The following CFDP1 variants were observed in gnomAD, a reference collection of about 807,000 sequenced individuals.
The protein encoded by CFDP1 is chromatin remodeling protein CFDP1, also known as heterochromatin-stabilizing protein CFDP1.
A neutral mutation model predicts 40.1 loss-of-function variants in CFDP1; 31 were observed. The ratio of observed to expected loss-of-function variants is 0.77; its 90% confidence interval spans 0.58 to 1.04. The LOEUF (loss-of-function observed/expected upper bound fraction) is 1.04. Ranked by LOEUF, CFDP1 falls within the 50% of genes least tolerant of loss-of-function variation. CFDP1 has a pLI of 0.00. For synonymous variants in CFDP1, 167 were observed against 120.0 expected (o/e 1.39, Z -2.56); for missense variants, 423 against 343.4 (o/e 1.23, Z -1.83).
At chr16:75,424,141 CAG>C (rs2079308609) in intron 1 of CFDP1, among the ~76,000 whole-genome samples, 1 of 152,102 alleles carries the variant, frequency 6.6e-6, no homozygotes, top group East Asian at 1.9e-4. Flanking sequence ...AAATTAGGAA[CAG>C]AGGGGAACTT....
intron 5 of CFDP1, among the ~76,000 whole-genome samples, chr16:75,355,942 T>C (rs767909654): frequency 2.6e-5 from 4 of 152,254 alleles, no homozygotes; most frequent in Non-Finnish European, 5.9e-5. Context: ...CAGGCTATAC[T>C]TCTCATAGTA....
At chr16:75,387,388 G>A (rs1012610241) in intron 5 of CFDP1, among the ~76,000 whole-genome samples, 3 of 152,076 alleles carry the variant, frequency 2.0e-5, no homozygotes, top group Non-Finnish European at 4.4e-5. Context: ...TGATCCACCC[G>A]CCTCGGCCTC....
At chr16:75,389,255 G>A (rs896586807) in intron 5 of CFDP1, among the ~76,000 whole-genome samples, 7 of 152,220 alleles carry the variant, frequency 4.6e-5, no homozygotes, top group African/African-American at 1.2e-4. Flanking sequence ...GGACTGGGGA[G>A]TGAGGGAAGA....
intron 5 of CFDP1, among the ~76,000 whole-genome samples, chr16:75,311,318 T>A (rs899632336): frequency 2.0e-5 from 3 of 152,112 alleles, no homozygotes; most frequent in Non-Finnish European, 4.4e-5. Context: ...TTAAAAAACG[T>A]CTTTGTACAG....
At chr16:75,312,885 C>A (rs1314392477) in intron 5 of CFDP1, among the ~76,000 whole-genome samples, 1 of 152,170 alleles carries the variant, frequency 6.6e-6, no homozygotes, top group Non-Finnish European at 1.5e-5. Context: ...GCACAGACTC[C>A]TGGTCTCTAT....
Position 75,385,082 on chromosome 16 carries a change from A to ATAAGGAATAT in CFDP1, c.650+10007_650+10008insATATTCCTTA, listed in dbSNP as rs1394021114. On this transcript the variant is annotated intron_variant, in intron 5 of 6. Transcript: ENST00000283882. ...GCAGGTACAGAGTAAATAGATTAGA[A>ATAAGGAATAT]ATTGAATAAGGAAAATAATTTTTAA... is the stretch of plus-strand genomic sequence containing the variant. Among the ~76,000 whole-genome samples, 264 of 151,920 alleles carry ATAAGGAATAT rather than the reference A, an allele frequency of 1.7e-3. 6 individuals are homozygous for ATAAGGAATAT. In the South Asian group the frequency reaches 0.022, roughly 13 times the overall value.
intron 5 of CFDP1, among the ~76,000 whole-genome samples, chr16:75,340,482 C>T (rs1231804644): frequency 2.0e-5 from 3 of 152,164 alleles, no homozygotes; most frequent in Non-Finnish European, 4.4e-5. Flanking sequence ...TTTACATAAA[C>T]TCAAACCACT....
At chr16:75,399,413 T>C (rs2079028809) in intron 4 of CFDP1, among the ~76,000 whole-genome samples, 1 of 152,164 alleles carries the variant, frequency 6.6e-6, no homozygotes, top group South Asian at 2.1e-4. Flanking sequence ...CATATAGTAA[T>C]CTGAACACAT....
At chr16:75,314,724 T>C (rs12445813) in intron 5 of CFDP1, among the ~76,000 whole-genome samples, 111,175 of 152,178 alleles carry the variant, frequency 0.73, 40,935 homozygotes, top group Admixed American at 0.79. Flanking sequence ...TTCAGAAAAA[T>C]AAAAGGAAAT....
chr16:75,332,744 T>C (rs1203528655), intron 5 of CFDP1, among the ~76,000 whole-genome samples: 2 of 151,114 alleles, frequency 1.3e-5, no homozygotes, highest in African/African-American at 4.8e-5. Flanking sequence ...TAAAAACATA[T>C]TTCAGATATA....
intron 4 of CFDP1, among the ~76,000 whole-genome samples, chr16:75,409,628 A>G (rs1235318580): frequency 1.3e-5 from 2 of 152,202 alleles, no homozygotes; most frequent in Admixed American, 1.3e-4. Flanking sequence ...TATGAGAGTT[A>G]TATCGTGCTA....
chr16:75,299,424 T>TAA (rs55975805), intron 6 of CFDP1, among the ~76,000 whole-genome samples: 9 of 143,312 alleles, frequency 6.3e-5, no homozygotes, highest in Non-Finnish European at 9.1e-5. Flanking sequence ...CATCTCTACT[T>TAA]AAAAAAAAAA....
At chr16:75,381,736 C>G (rs1318873966) in intron 5 of CFDP1, among the ~76,000 whole-genome samples, 1 of 151,992 alleles carries the variant, frequency 6.6e-6, no homozygotes, top group Non-Finnish European at 1.5e-5. Context: ...GTTGTGGAGT[C>G]AAGGGGATTC....
At chr16:75,392,873 C>A (rs990555103) in intron 5 of CFDP1, among the ~76,000 whole-genome samples, 1 of 152,198 alleles carries the variant, frequency 6.6e-6, no homozygotes, top group African/African-American at 2.4e-5. Flanking sequence ...TATGTCATTT[C>A]TACTGTGGTA....
At chr16:75,431,203 G>A (rs1373274084) in intron 1 of CFDP1, among the ~76,000 whole-genome samples, 1 of 151,558 alleles carries the variant, frequency 6.6e-6, no homozygotes, top group East Asian at 1.9e-4. Flanking sequence ...TGTAATCCCA[G>A]CACTCAGGGA....
chr16:75,417,719 C>G (rs1567680347), intron 1 of CFDP1, among the ~76,000 whole-genome samples: 1 of 151,826 alleles, frequency 6.6e-6, no homozygotes, highest in South Asian at 2.1e-4. Flanking sequence ...TAACTGTATA[C>G]CAAAATGATA....
chr16:75,396,345 C>T lies in CFDP1; in HGVS notation c.531-1136G>A, dbSNP rs537017462. On this transcript the variant is annotated intron_variant, in intron 4 of 6. Transcript: ENST00000283882. ...ACGAAGTCATGAGTTTGAGACCAGC[C>T]TGGCCAACATGGTGAAACCCTGTCT... Among the ~76,000 whole-genome samples the T allele has an allele frequency of 6.4e-4, 67 of 103,932 alleles. 16 individuals carry two copies. The highest frequency in any genetic ancestry group is 1.9e-3 in the African/African-American group (65 of 34,914). The allele number at this position is 103,932 out of a possible 152,430, so 68.2% of individuals were successfully genotyped here.
At chr16:75,313,062 T>C (rs2078304452) in intron 5 of CFDP1, among the ~76,000 whole-genome samples, 1 of 152,208 alleles carries the variant, frequency 6.6e-6, no homozygotes. Context: ...AGTCCTTTAC[T>C]GGTCTATTGT....
At chr16:75,433,268 G>A (rs1449101917) in intron 1 of CFDP1, 21 bp downstream of exon 1, 1 of 1,586,674 alleles carries the variant, frequency 6.3e-7, no homozygotes, top group Admixed American at 1.7e-5. Flanking sequence ...TTCGCTTCTC[G>A]CCTCAGGCGG....
Sources: allele counts gnomAD v4.1 joint callset (sites outside exome capture counted in the v4.1 genomes callset), GRCh38; gene constraint gnomAD v4.1.1; transcripts MANE v1.5; gene names NCBI Gene and HGNC (gene_info 2026-07-23, HGNC 2026-07-21).